The following SLC22A15 variants were observed in gnomAD, a reference collection of about 807,000 sequenced individuals.
The protein encoded by SLC22A15 is flipt 1.
SLC22A15 carries 45 observed loss-of-function variants against 62.7 expected under a neutral mutation model. The observed-to-expected ratio is 0.72, with a 90% CI of 0.56 to 0.92. SLC22A15 has a LOEUF of 0.92. SLC22A15 is among the 40% of genes least tolerant of loss of function. SLC22A15 has a pLI of 0.00. For synonymous variants in SLC22A15, 264 were observed against 267.0 expected (o/e 0.99, Z 0.11); for missense variants, 622 against 665.6 (o/e 0.93, Z 0.72).
chr1:116,062,676 C>T, intron 8 of SLC22A15, 86 bp from the exon 9 acceptor site: 1 of 1,505,116 alleles, frequency 6.6e-7, no homozygotes, highest in African/African-American at 1.4e-5. Context: ...AACATGAATG[C>T]CACCTGCTCC....
At chr1:116,050,424 G>T (rs1658019222) in intron 8 of SLC22A15, among the ~76,000 whole-genome samples, 1 of 152,194 alleles carries the variant, frequency 6.6e-6, no homozygotes, top group South Asian at 2.1e-4. Context: ...TACCAGGGAA[G>T]CAGGGATGGT....
intron 6 of SLC22A15, chr1:116,032,641 C>T (rs868000326): frequency 2.0e-6 from 2 of 985,220 alleles, no homozygotes; most frequent in African/African-American, 1.7e-5. Context: ...CTGCTTTCCC[C>T]CACAGAACCA....
At chr1:116,064,626 A>G in intron 10 of SLC22A15, 118 bp downstream of exon 10, 1 of 740,650 alleles carries the variant, frequency 1.4e-6, no homozygotes. Flanking sequence ...CACAAATGTG[A>G]ACCTTGGCCC....
intron 6 of SLC22A15, chr1:116,032,022 A>AT: frequency 9.7e-7 from 1 of 1,033,698 alleles, no homozygotes; most frequent in Non-Finnish European, 1.2e-6. Flanking sequence ...TCCATGCTGC[A>AT]TTTTCTGTGG....
At chr1:116,012,702 T>C (rs1656333702) in intron 2 of SLC22A15, among the ~76,000 whole-genome samples, 2 of 152,246 alleles carry the variant, frequency 1.3e-5, no homozygotes, top group South Asian at 2.1e-4. Context: ...ATAACCACTT[T>C]GGAAGTTGAT....
At chr1:116,063,847 C>T (rs1181007183) in intron 9 of SLC22A15, among the ~76,000 whole-genome samples, 3 of 152,186 alleles carry the variant, frequency 2.0e-5, no homozygotes, top group African/African-American at 4.8e-5. Flanking sequence ...CCCTCCCTCT[C>T]TCCTTCCTAT....
At chr1:116,049,019 G>C (rs776960322) in intron 8 of SLC22A15, among the ~76,000 whole-genome samples, 1 of 152,096 alleles carries the variant, frequency 6.6e-6, no homozygotes, top group Non-Finnish European at 1.5e-5. Context: ...ATTATATAAC[G>C]GCAAAAGCCC....
chr1:116,040,824 G>A (rs1657759947), intron 8 of SLC22A15, among the ~76,000 whole-genome samples: 1 of 152,048 alleles, frequency 6.6e-6, no homozygotes, highest in Non-Finnish European at 1.5e-5. Flanking sequence ...TAGGGTGGTC[G>A]GGAGCTCCTG....
chr1:116,063,013 GT>G, intron 9 of SLC22A15, 131 bp downstream of exon 9: 1 of 1,203,772 alleles, frequency 8.3e-7, no homozygotes, highest in Non-Finnish European at 1.2e-6. Context: ...TCAGCAAGCA[GT>G]TTAGGGTGAG....
At chr1:115,977,985 C>A (rs1374870834) in intron 1 of SLC22A15, among the ~76,000 whole-genome samples, 1 of 152,158 alleles carries the variant, frequency 6.6e-6, no homozygotes, top group Non-Finnish European at 1.5e-5. Context: ...TTCTGAAGTT[C>A]TTTTAAGCTC....
intron 2 of SLC22A15, among the ~76,000 whole-genome samples, chr1:116,000,967 C>CT (rs897794309): frequency 4.6e-5 from 7 of 151,980 alleles, no homozygotes; most frequent in Admixed American, 3.9e-4. Flanking sequence ...CATTAATGTC[C>CT]TTTTTTTTCA....
chr1:115,998,894 T>G (rs1475733028), intron 2 of SLC22A15, among the ~76,000 whole-genome samples: 1 of 152,202 alleles, frequency 6.6e-6, no homozygotes, highest in Non-Finnish European at 1.5e-5. Flanking sequence ...GAAGTTTTTC[T>G]ACTGTTTTGA....
At chr1:115,985,871 G>T (rs1467646517) in intron 1 of SLC22A15, among the ~76,000 whole-genome samples, 1 of 150,770 alleles carries the variant, frequency 6.6e-6, no homozygotes, top group Non-Finnish European at 1.5e-5. Context: ...GCTTGAACCC[G>T]GGAGGCAGAG....
At chr1:116,010,862 T>C (rs1557884714) in intron 2 of SLC22A15, among the ~76,000 whole-genome samples, 1 of 152,214 alleles carries the variant, frequency 6.6e-6, no homozygotes, top group African/African-American at 2.4e-5. Flanking sequence ...GCAGTTATAA[T>C]ATGACTTGGT....
At chr1:116,045,603 G>C (rs112520252) in intron 8 of SLC22A15, among the ~76,000 whole-genome samples, 6,645 of 151,584 alleles carry the variant, frequency 0.044, 187 homozygotes, top group African/African-American at 0.07. Context: ...GCTGGGCGTG[G>C]TGGTGCACCT....
At chr1:116,037,771 G>A (rs944917059) in intron 8 of SLC22A15, among the ~76,000 whole-genome samples, 1 of 152,162 alleles carries the variant, frequency 6.6e-6, no homozygotes, top group Admixed American at 6.5e-5. Flanking sequence ...CAGAGCCACT[G>A]GTTCTCAAAG....
At chr1:116,032,306 C>T (rs962637612) in intron 6 of SLC22A15, 1 of 985,320 alleles carries the variant, frequency 1.0e-6, no homozygotes, top group Non-Finnish European at 1.2e-6. Context: ...TGGGTGCATA[C>T]AATTTGTGGA....
At position 116,036,343 on chromosome 1, in the gene SLC22A15, C is replaced by T. The variant is rs151043179; in HGVS notation, c.1086-960C>T. On this transcript the variant is annotated intron_variant, in intron 7 of 11. Coordinates refer to ENST00000369503, the MANE Select transcript of SLC22A15 (RefSeq NM_018420.3). ...GGGTATCTTATGTGTCTTTGTATCCCTGGTGCTTGCCTAGCATGGTGTGTG... is the reference window on the plus strand; with the variant it reads ...GGGTATCTTATGTGTCTTTGTATCCTTGGTGCTTGCCTAGCATGGTGTGTG... 6.5e-3 allele frequency among the ~76,000 whole-genome samples: 986 copies of T among 152,230 alleles called. 10 individuals carry two copies. The highest frequency in any genetic ancestry group is 9.9e-3 in the Non-Finnish European group (676 of 68,010).
At chr1:116,055,702 C>T (rs1658185269) in intron 8 of SLC22A15, among the ~76,000 whole-genome samples, 2 of 151,658 alleles carry the variant, frequency 1.3e-5, no homozygotes, top group Non-Finnish European at 2.9e-5. Flanking sequence ...AAAAGCTTAT[C>T]CACCATGATC....
Sources: gnomAD v4.1 joint callset for allele counts (sites outside exome capture counted in the v4.1 genomes callset) on GRCh38, gnomAD v4.1.1 for gene constraint, MANE v1.5 for transcripts, NCBI Gene and HGNC (gene_info 2026-07-23, HGNC 2026-07-21) for gene names.